The following TDP1 variants were observed in gnomAD, a reference collection of about 807,000 sequenced individuals.
The protein encoded by TDP1 is tyrosyl-DNA phosphodiesterase 1, also known as tyr-DNA phosphodiesterase 1.
In TDP1, 64 loss-of-function variants were observed where a neutral mutation model predicts 81.5. That is an observed-to-expected ratio of 0.79 (90% CI 0.64 to 0.97). The LOEUF (loss-of-function observed/expected upper bound fraction) is 0.97, where lower values mean the gene tolerates loss of function less well. Ranked by LOEUF, TDP1 falls within the 50% of genes least tolerant of loss-of-function variation. The pLI is 0.00. For synonymous variants in TDP1, 256 were observed against 264.3 expected (o/e 0.97, Z 0.30); for missense variants, 723 against 743.8 (o/e 0.97, Z 0.33).
At chr14:90,035,168 G>A (rs1211876644) in intron 16 of TDP1, among the ~76,000 whole-genome samples, 1 of 152,168 alleles carries the variant, frequency 6.6e-6, no homozygotes, top group Non-Finnish European at 1.5e-5. Context: ...TTCTCTGTCT[G>A]ATGGGCCCTT....
chr14:89,990,720 T>G (rs545714466), intron 12 of TDP1, among the ~76,000 whole-genome samples: 1 of 152,206 alleles, frequency 6.6e-6, no homozygotes, highest in African/African-American at 2.4e-5. Flanking sequence ...AGTTGTTTTA[T>G]AACTGGCTTT....
chr14:90,030,281 T>A (rs890683854), intron 15 of TDP1, among the ~76,000 whole-genome samples: 1 of 152,206 alleles, frequency 6.6e-6, no homozygotes, highest in Non-Finnish European at 1.5e-5. Flanking sequence ...TCCCGGGATG[T>A]GCCTGCTCTG....
intron 15 of TDP1, 72 bp from the exon 16 acceptor site, chr14:90,033,034 G>C (rs2140322080): frequency 4.1e-6 from 5 of 1,212,762 alleles, no homozygotes; most frequent in Non-Finnish European, 4.8e-6. Context: ...ATTGCTTCTT[G>C]AGGCCTTCTG....
intron 10 of TDP1, 84 bp from the exon 11 acceptor site, chr14:89,988,821 G>C: frequency 6.3e-7 from 1 of 1,584,476 alleles, no homozygotes; most frequent in Non-Finnish European, 8.6e-7. Flanking sequence ...GGCTTTCCAA[G>C]AGCAGAAAAC....
Position 89,975,782 on chromosome 14 carries a change from C to A in TDP1, c.758C>A (p.Ala253Glu). Residue 253 changes from alanine to glutamate, a missense_variant and splice_region_variant, in exon 7 of 17, where the codon GCA becomes GAA. Transcript: ENST00000335725. ...TAAATGACTTCTTTTTCATCCTAGG[C>A]AAAGTTGGATATTGCGTTTGGAACA... Reference protein sequence around the residue: ...KPYENISLCQAKLDIAFGTHH... With the variant: ...KPYENISLCQEKLDIAFGTHH... 6.2e-7 allele frequency: 1 copy of A among 1,611,862 alleles called. No individual in the cohort carries two copies. Among genetic ancestry groups the A allele is most frequent in the Non-Finnish European group, 8.5e-7 (1 of 1,178,066 alleles).
At chr14:89,971,114 G>A (rs977724462) in intron 5 of TDP1, 61 bp from the exon 6 acceptor site, 5 of 1,447,650 alleles carry the variant, frequency 3.5e-6, no homozygotes, top group Non-Finnish European at 1.9e-6. Context: ...GGGATTACAG[G>A]TGTGAGCCAC....
At chr14:89,978,202 GC>G (rs2140056388) in intron 7 of TDP1, among the ~76,000 whole-genome samples, 1 of 152,328 alleles carries the variant, frequency 6.6e-6, no homozygotes, top group East Asian at 1.9e-4. Context: ...GCTGCCACCA[GC>G]CCTGTGAAAC....
chr14:89,957,681 T>C (rs373407766), intron 2 of TDP1, among the ~76,000 whole-genome samples: 2 of 152,186 alleles, frequency 1.3e-5, no homozygotes, highest in African/African-American at 2.4e-5. Context: ...ATCCACAACA[T>C]GTTTTAAAGT....
At chr14:89,987,541 G>A (rs907899236) in intron 10 of TDP1, among the ~76,000 whole-genome samples, 3 of 152,332 alleles carry the variant, frequency 2.0e-5, no homozygotes, top group South Asian at 2.1e-4. Flanking sequence ...GAGGAAGCAA[G>A]CAGGTGGATA....
intron 16 of TDP1, among the ~76,000 whole-genome samples, chr14:90,033,772 C>T (rs545859212): frequency 5.9e-4 from 90 of 152,236 alleles, no homozygotes; most frequent in Admixed American, 1.7e-3. Context: ...TCTATTGTAA[C>T]GTACATTTAT....
chr14:89,956,276 C>T (rs1566833142), intron 1 of TDP1: 1 of 152,276 alleles, frequency 6.6e-6, no homozygotes, highest in Admixed American at 6.5e-5. Context: ...CCTAAGCTTA[C>T]AGGTGCGTGG....
At chr14:90,027,032 CA>C (rs1886741701) in intron 15 of TDP1, among the ~76,000 whole-genome samples, 1 of 152,190 alleles carries the variant, frequency 6.6e-6, no homozygotes, top group Non-Finnish European at 1.5e-5. Context: ...GAGGAATCGC[CA>C]CACTGTCTTC....
At position 90,023,003 on chromosome 14, in the gene TDP1, A is replaced by C. The variant is rs771244963; in HGVS notation, c.1644+3585A>C. On this transcript the variant is annotated intron_variant, in intron 15 of 16. Transcript: ENST00000335725. ...CCACCTCCATACTCACTTCAGTCCC[A>C]CACATACCCTGTGCCTGCTGTCTTC... 5.3e-6 allele frequency: 4 copies of C among 758,496 alleles called. No individual in the cohort carries two copies. In the South Asian group the frequency reaches 5.5e-5, roughly 10 times the overall value. 47.0% of individuals were successfully genotyped at this position (758,496 alleles called of 1,614,324 possible).
At chr14:89,975,571 CAA>C in intron 6 of TDP1, 1 of 310,740 alleles carries the variant, frequency 3.2e-6, no homozygotes, top group Non-Finnish European at 4.4e-6. Context: ...TTCTGGGTAA[CAA>C]AATTTGTGTT....
At chr14:89,955,153 A>T (rs1273550988), upstream of TDP1, 1 of 157,360 alleles carries the variant, frequency 6.4e-6, no homozygotes, top group Non-Finnish European at 1.4e-5. Context: ...ATTCTCGTTC[A>T]GATCAGCAAG....
At chr14:89,984,377 G>A in intron 8 of TDP1, 139 bp from the exon 9 acceptor site, 4 of 1,558,024 alleles carry the variant, frequency 2.6e-6, no homozygotes, top group Non-Finnish European at 3.4e-6. Flanking sequence ...TCAGATTTAT[G>A]TTTCATGTTT....
At chr14:89,961,118 G>C (rs527830559) in intron 2 of TDP1, among the ~76,000 whole-genome samples, 11 of 152,284 alleles carry the variant, frequency 7.2e-5, no homozygotes, top group Admixed American at 4.6e-4. Flanking sequence ...GGGGACACGT[G>C]TGCATGTGTA....
At chr14:89,992,302 A>C (rs1046790979) in intron 13 of TDP1, among the ~76,000 whole-genome samples, 10 of 152,220 alleles carry the variant, frequency 6.6e-5, no homozygotes, top group Admixed American at 1.3e-4. Flanking sequence ...CCAAAATATA[A>C]AGTATCATTA....
At chr14:90,008,899 G>A (rs958546571) in intron 14 of TDP1, among the ~76,000 whole-genome samples, 1 of 152,084 alleles carries the variant, frequency 6.6e-6, no homozygotes, top group Admixed American at 6.6e-5. Flanking sequence ...TTTTGATATG[G>A]GATCTTGCTT....
Sources: gnomAD v4.1 joint callset for allele counts (sites outside exome capture counted in the v4.1 genomes callset) on GRCh38, gnomAD v4.1.1 for gene constraint, MANE v1.5 for transcripts, NCBI Gene and HGNC (gene_info 2026-07-23, HGNC 2026-07-21) for gene names.